Variants in RYR3 observed in about 807,000 individuals in gnomAD.
The protein encoded by RYR3 is brain ryanodine receptor-calcium release channel.
In RYR3, 207 loss-of-function variants were observed where a neutral mutation model predicts 584.3. The ratio of observed to expected loss-of-function variants is 0.35; its 90% CI spans 0.32 to 0.40. The LOEUF is 0.40. Among genes scored for constraint, RYR3 ranks in the 10% least tolerant of loss-of-function variants. RYR3 has a pLI of 1.00. For missense variants in RYR3, 5,616 were observed against 6,089.2 expected, an observed-to-expected ratio of 0.92 and a Z score of 2.59; for synonymous variants, 2,416 against 2,248.5, an observed-to-expected ratio of 1.07 and a Z score of -2.11.
chr15:33,710,028 G>T (rs1320698436), intron 43 of RYR3, among the ~76,000 whole-genome samples: 1 of 152,180 alleles, frequency 6.6e-6, no homozygotes, highest in Non-Finnish European at 1.5e-5. Context: ...AATTATTATG[G>T]TGTTGGTAAA....
chr15:33,377,842 G>A (rs1486608440), intron 1 of RYR3, among the ~76,000 whole-genome samples: 1 of 152,076 alleles, frequency 6.6e-6, no homozygotes, highest in Non-Finnish European at 1.5e-5. Context: ...CACCCAGGCT[G>A]GAGTGCAGTG....
intron 92 of RYR3, among the ~76,000 whole-genome samples, chr15:33,843,953 A>G (rs1355668482): frequency 6.6e-6 from 1 of 152,206 alleles, no homozygotes; most frequent in Non-Finnish European, 1.5e-5. Flanking sequence ...CCTATTTGTT[A>G]GAAGCGTTAT....
intron 1 of RYR3, among the ~76,000 whole-genome samples, chr15:33,456,462 C>T (rs994367114): frequency 1.3e-5 from 2 of 152,064 alleles, no homozygotes; most frequent in Admixed American, 1.3e-4. Context: ...ATTGGTTGCC[C>T]AGGTTATCTT....
intron 16 of RYR3, among the ~76,000 whole-genome samples, chr15:33,598,245 T>TAAAAAAAA (rs758116290): frequency 6.6e-5 from 1 of 15,046 alleles, no homozygotes; most frequent in African/African-American, 5.2e-4. Flanking sequence ...AAAAAATTGC[T>TAAAAAAAA]CAAAAAAAAA....
At chr15:33,518,598 G>A (rs1226965154) in intron 3 of RYR3, among the ~76,000 whole-genome samples, 1 of 152,132 alleles carries the variant, frequency 6.6e-6, no homozygotes, top group African/African-American at 2.4e-5. Flanking sequence ...TCCTCCCATT[G>A]TCAGTGTGAT....
At chr15:33,614,048 A>G (rs2152569079) in intron 19 of RYR3, among the ~76,000 whole-genome samples, 2 of 152,318 alleles carry the variant, frequency 1.3e-5, no homozygotes, top group Admixed American at 1.3e-4. Context: ...GAGATTCTCT[A>G]AACAGTTCAG....
intron 1 of RYR3, among the ~76,000 whole-genome samples, chr15:33,450,376 T>C (rs2047020579): frequency 2.0e-5 from 3 of 152,178 alleles, no homozygotes; most frequent in Admixed American, 1.3e-4. Context: ...GGGCAGGGAC[T>C]GGATGCCACC....
At chr15:33,827,640 C>T (rs72715192) in intron 85 of RYR3, among the ~76,000 whole-genome samples, 7,418 of 152,156 alleles carry the variant, frequency 0.049, 237 homozygotes, top group Non-Finnish European at 0.06. Context: ...AAGACTTACA[C>T]GAGATGATAG....
intron 1 of RYR3, among the ~76,000 whole-genome samples, chr15:33,338,901 A>T (rs1423456905): frequency 6.6e-6 from 1 of 152,192 alleles, no homozygotes; most frequent in Non-Finnish European, 1.5e-5. Flanking sequence ...AAACTAAACA[A>T]TATGTTATTT....
chr15:33,624,801 G>A (rs1316713795), intron 20 of RYR3, among the ~76,000 whole-genome samples: 1 of 152,202 alleles, frequency 6.6e-6, no homozygotes, highest in African/African-American at 2.4e-5. Context: ...TATTCTAGGT[G>A]TTATAGAAAA....
At chr15:33,598,730 T>G (rs1320737178) in intron 16 of RYR3, among the ~76,000 whole-genome samples, 1 of 148,956 alleles carries the variant, frequency 6.7e-6, no homozygotes, top group Non-Finnish European at 1.5e-5. Context: ...AAACTTGCCT[T>G]CCTGTTGGAA....
intron 95 of RYR3, 93 bp from the exon 96 acceptor site, chr15:33,853,461 GC>G: frequency 6.9e-7 from 1 of 1,453,134 alleles, no homozygotes; most frequent in Non-Finnish European, 9.2e-7. Flanking sequence ...TTGGAAGATT[GC>G]CCATAGGGCA....
intron 53 of RYR3, among the ~76,000 whole-genome samples, chr15:33,746,936 G>A (rs548818778): frequency 2.7e-4 from 40 of 150,446 alleles, no homozygotes; most frequent in African/African-American, 9.5e-4. Context: ...AGCCTCCCAA[G>A]TAGCTGGAAC....
rs1357694870 is a variant in RYR3 at position 33,568,446 on chromosome 15, A to G, written c.1268+1647A>G. Among the ~76,000 whole-genome samples the G allele has an allele frequency of 2.0e-5, 3 of 152,252 alleles. No homozygotes were observed. The East Asian group carries it at 5.8e-4, about 29-fold the overall frequency. On this transcript the variant is annotated intron_variant, in intron 12 of 103. Transcript: ENST00000634891. ...CATATTACAAAATTCATCCTTTTAAATGTACAGTTCCGTGAGACTTTATTT... is the reference window on the plus strand; with the variant it reads ...CATATTACAAAATTCATCCTTTTAAGTGTACAGTTCCGTGAGACTTTATTT...
chr15:33,533,519 A>C (rs1457350484), intron 5 of RYR3, 130 bp downstream of exon 5: 1 of 616,514 alleles, frequency 1.6e-6, no homozygotes, highest in Admixed American at 2.6e-5. Context: ...GTCTGAAAAA[A>C]AATTGCAGAA....
intron 2 of RYR3, among the ~76,000 whole-genome samples, chr15:33,500,047 A>T (rs1277721078): frequency 6.6e-6 from 1 of 152,190 alleles, no homozygotes; most frequent in Non-Finnish European, 1.5e-5. Context: ...GATAGTCTTG[A>T]AGGACACAGG....
intron 1 of RYR3, among the ~76,000 whole-genome samples, chr15:33,422,618 T>A (rs1476675255): frequency 4.6e-5 from 7 of 152,022 alleles, no homozygotes; most frequent in Non-Finnish European, 8.8e-5. Flanking sequence ...GAGCCCTTTC[T>A]AAATACACAG....
intron 38 of RYR3, among the ~76,000 whole-genome samples, chr15:33,689,983 C>A (rs956135960): frequency 4.6e-5 from 7 of 152,148 alleles, no homozygotes; most frequent in African/African-American, 1.7e-4. Context: ...TTAGAGGTGG[C>A]ACGACTGGAG....
chr15:33,581,766 G>T, intron 14 of RYR3, 123 bp downstream of exon 14: 1 of 845,074 alleles, frequency 1.2e-6, no homozygotes, highest in Non-Finnish European at 1.9e-6. Flanking sequence ...TTCCTTAGAA[G>T]TCTTTTGTTA....
Sources: allele counts gnomAD v4.1 joint callset (sites outside exome capture counted in the v4.1 genomes callset), GRCh38; gene constraint gnomAD v4.1.1; transcripts MANE v1.5; gene names NCBI Gene and HGNC (gene_info 2026-07-23, HGNC 2026-07-21).